The following SHPRH variants were observed in gnomAD, a reference collection of about 807,000 sequenced individuals.
The protein encoded by SHPRH is SNF2 histone linker PHD RING helicase.
Under a neutral mutation model 202.5 loss-of-function variants are expected in SHPRH, and 106 were observed. The observed-to-expected ratio is 0.52, with a 90% CI of 0.45 to 0.62. SHPRH has a LOEUF of 0.62. SHPRH is among the 20% of genes least tolerant of loss of function. SHPRH has a pLI of 0.00. For synonymous variants in SHPRH, 729 were observed against 686.0 expected (o/e 1.06, Z -0.98); for missense variants, 1,710 against 2,020.0 (o/e 0.85, Z 2.94).
rs1378176862 is a variant in SHPRH at position 145,953,718 on chromosome 6, T to C, written c.633+972A>G. Reference sequence around the variant, plus strand: ...GCTTCACAGTTTACAAAGTATACTTTCTTACATTATCTGGCCTGATTTTCA... The same window carrying C: ...GCTTCACAGTTTACAAAGTATACTTCCTTACATTATCTGGCCTGATTTTCA... On this transcript the variant is annotated intron_variant, in intron 2 of 29. Coordinates refer to ENST00000275233, the MANE Select transcript of SHPRH (RefSeq NM_001042683.3). Among the ~76,000 whole-genome samples, 7 of 152,164 alleles carry C rather than the reference T, an allele frequency of 4.6e-5. No individual in the cohort carries two copies. The East Asian group carries it at 1.3e-3, about 29-fold the overall frequency.
Sources: gnomAD v4.1 joint callset for allele counts (sites outside exome capture counted in the v4.1 genomes callset) on GRCh38, gnomAD v4.1.1 for gene constraint, MANE v1.5 for transcripts, NCBI Gene and HGNC (gene_info 2026-07-23, HGNC 2026-07-21) for gene names.